The following SANBR variants were observed in gnomAD, a reference collection of about 807,000 sequenced individuals.
SANBR encodes the protein SANT and BTB domain regulator of CSR.
A neutral mutation model predicts 101.8 loss-of-function variants in SANBR; 77 were observed. The observed-to-expected ratio is 0.76, with a 90% CI of 0.63 to 0.91. The LOEUF (loss-of-function observed/expected upper bound fraction) is 0.91, where lower values mean the gene tolerates loss of function less well. Among genes scored for constraint, SANBR ranks in the 40% least tolerant of loss-of-function variants. The pLI, the probability that SANBR is intolerant of heterozygous loss-of-function variation, is 0.00. For missense variants in SANBR, 875 were observed against 853.0 expected (o/e 1.03, Z -0.32); for synonymous variants, 279 against 274.7 (o/e 1.02, Z -0.15).
chr2:61,085,929 A>C (rs1242127441), intron 8 of SANBR, among the ~76,000 whole-genome samples: 1 of 152,172 alleles, frequency 6.6e-6, no homozygotes, highest in Non-Finnish European at 1.5e-5. Context: ...TGGCATTTCT[A>C]TATAAATTTG....
intron 10 of SANBR, 163 bp downstream of exon 10, chr2:61,088,631 C>G: frequency 2.4e-6 from 1 of 417,078 alleles, no homozygotes; most frequent in South Asian, 6.4e-5. Context: ...AGCGATTCTC[C>G]TGCCTCAGCT....
intron 13 of SANBR, among the ~76,000 whole-genome samples, chr2:61,105,665 C>T (rs377482048): frequency 4.7e-5 from 5 of 106,734 alleles, no homozygotes; most frequent in East Asian, 2.8e-4. Context: ...TGCGCCTGGC[C>T]GCACCCCCCT....
At position 61,118,089 on chromosome 2, in the gene SANBR, C is replaced by A. The variant is rs746088588; in HGVS notation, c.2001C>A (p.Asp667Glu). The change falls in exon 20 of 22, where the codon GAC becomes GAA. Residue 667 changes from aspartate to glutamate, a missense_variant. Asp to Glu is a conservative substitution (Grantham distance 45). Coordinates refer to ENST00000402291, the MANE Select transcript of SANBR (RefSeq NM_001129993.3). ...HLIKMRLGDLDRVKSKEAKEF... is the reference protein window; with the variant it reads ...HLIKMRLGDLERVKSKEAKEF... ...TAAAAATGAGATTGGGGGATCTGGA[C>A]CGAGTCAAGTCAAAGGAAGCAAAAG... 3.2e-5 allele frequency: 52 copies of A among 1,613,288 alleles called. No homozygotes were observed. The highest frequency in any genetic ancestry group is 4.2e-5 in the Non-Finnish European group (50 of 1,179,588).
At chr2:61,108,465 C>G in intron 15 of SANBR, 116 bp downstream of exon 15, 5 of 602,252 alleles carry the variant, frequency 8.3e-6, no homozygotes, top group Non-Finnish European at 1.4e-5. Context: ...TGTACATCTT[C>G]CTTTTCAGAT....
intron 13 of SANBR, among the ~76,000 whole-genome samples, chr2:61,105,341 G>A (rs1683504782): frequency 6.6e-6 from 1 of 151,828 alleles, no homozygotes; most frequent in Non-Finnish European, 1.5e-5. Flanking sequence ...ATTCCAGCCT[G>A]GGTGACAGAG....
At chr2:61,106,733 C>A in intron 14 of SANBR, 71 bp downstream of exon 14, 1 of 954,364 alleles carries the variant, frequency 1.0e-6, no homozygotes, top group Admixed American at 2.7e-5. Context: ...TGACAGGAAC[C>A]TGATCAGTTT....
chr2:61,089,270 G>A lies in SANBR; in HGVS notation c.1088+802G>A, dbSNP rs954215960. ...TCACACCTATAATCCCAGCACTTTG[G>A]GAGGCCAAGTCAGGTGGATCACCTG... On this transcript the variant is annotated intron_variant, in intron 10 of 21. Transcript: ENST00000402291. 1.5e-5 allele frequency: 12 copies of A among 822,152 alleles called. No homozygotes were observed. The African/African-American group carries it at 2.0e-4, about 14-fold the overall frequency. The allele number at this position is 822,152 out of a possible 1,614,324, so 50.9% of individuals were successfully genotyped here.
chr2:61,074,781 CTAATA>C (rs1681672059), intron 5 of SANBR, among the ~76,000 whole-genome samples: 1 of 152,074 alleles, frequency 6.6e-6, no homozygotes, highest in Admixed American at 6.6e-5. Context: ...CTGAAATAAT[CTAATA>C]TTTTATACTC....
intron 20 of SANBR, among the ~76,000 whole-genome samples, chr2:61,131,251 G>T (rs1302528185): frequency 6.6e-6 from 1 of 152,088 alleles, no homozygotes; most frequent in Non-Finnish European, 1.5e-5. Flanking sequence ...TGGAAAAGAA[G>T]TAAAACTGTA....
Position 61,102,242 on chromosome 2 carries a change from G to A in SANBR, c.1366-1611G>A, listed in dbSNP as rs561778202. Among the ~76,000 whole-genome samples, 5 of 151,758 alleles carry A rather than the reference G, an allele frequency of 3.3e-5. No homozygotes were observed. In the South Asian group the frequency reaches 1.0e-3, roughly 32 times the overall value. The stretch of plus-strand genomic sequence containing the variant: ...AATACAAAAATTAGCTGGGCGTGGT[G>A]GTGTGCGCCTGTAGTCCCAGCTACT... On this transcript the variant is annotated intron_variant, in intron 12 of 21. Transcript: ENST00000402291.
intron 20 of SANBR, among the ~76,000 whole-genome samples, chr2:61,119,971 A>G (rs1222364292): frequency 2.6e-5 from 4 of 152,116 alleles, no homozygotes; most frequent in African/African-American, 9.7e-5. Flanking sequence ...CCAAAGGGAA[A>G]AACCCATACC....
intron 16 of SANBR, among the ~76,000 whole-genome samples, chr2:61,114,901 C>T (rs1371339947): frequency 6.6e-6 from 1 of 152,238 alleles, no homozygotes; most frequent in African/African-American, 2.4e-5. Context: ...AAGCAATCCT[C>T]CTACCTCGGC....
At chr2:61,083,006 G>T (rs1682221007) in intron 7 of SANBR, 148 bp from the exon 8 acceptor site, 1 of 625,660 alleles carries the variant, frequency 1.6e-6, no homozygotes, top group Admixed American at 2.9e-5. Flanking sequence ...GAACAGTACA[G>T]ATTAAGTCAA....
chr2:61,109,884 C>A (rs1230097836), intron 16 of SANBR, among the ~76,000 whole-genome samples: 1 of 151,840 alleles, frequency 6.6e-6, no homozygotes, highest in Non-Finnish European at 1.5e-5. Context: ...AACTCCTGAC[C>A]TCAGATGATC....
intron 15 of SANBR, among the ~76,000 whole-genome samples, chr2:61,108,856 C>CT (rs1451270587): frequency 6.6e-6 from 1 of 152,126 alleles, no homozygotes. Flanking sequence ...GTTTATAAGA[C>CT]TACTTTAATA....
In SANBR at chr2:61,103,882, A is replaced by G. The variant is rs769144089; in HGVS notation, c.1395A>G (p.Thr465=). 1.2e-6 allele frequency: 2 copies of G among 1,614,238 alleles called. No individual in the cohort carries two copies. Among genetic ancestry groups the G allele is most frequent in the East Asian group, 4.5e-5 (2 of 44,886 alleles). ...KGCKVRDHMV[T]LRDQGEGGDL... ...GTAAAGTGAGGGACCACATGGTTAC[A>G]CTTCGTGATCAAGGTGAAGGCGGAG... is the stretch of plus-strand genomic sequence containing the variant. Residue 465 remains threonine (T), a synonymous_variant, in exon 13 of 22, where the codon ACA becomes ACG. Coordinates refer to ENST00000402291, the MANE Select transcript of SANBR (RefSeq NM_001129993.3).
At chr2:61,077,329 A>G (rs1357846621) in intron 6 of SANBR, among the ~76,000 whole-genome samples, 171 bp downstream of exon 6, 1 of 152,152 alleles carries the variant, frequency 6.6e-6, no homozygotes, top group Non-Finnish European at 1.5e-5. Context: ...AATTATAGTA[A>G]ATTTATGGCA....
chr2:61,115,936 G>A (rs770993285), intron 16 of SANBR, 43 bp from the exon 17 acceptor site: 13 of 1,257,892 alleles, frequency 1.0e-5, no homozygotes, highest in Non-Finnish European at 1.3e-5. Context: ...GACTGGAAAA[G>A]TATATGGGGC....
chr2:61,096,361 C>A (rs1683030938), intron 11 of SANBR, among the ~76,000 whole-genome samples: 2 of 152,120 alleles, frequency 1.3e-5, no homozygotes, highest in South Asian at 4.1e-4. Context: ...CATAGTATCT[C>A]TGAATCCAAT....
Sources: gnomAD v4.1 joint callset for allele counts (sites outside exome capture counted in the v4.1 genomes callset) on GRCh38, gnomAD v4.1.1 for gene constraint, MANE v1.5 for transcripts, NCBI Gene and HGNC (gene_info 2026-07-23, HGNC 2026-07-21) for gene names.